The following RPRD1B variants were observed in gnomAD, a reference collection of about 807,000 sequenced individuals.
The protein encoded by RPRD1B is regulation of nuclear pre-mRNA domain-containing protein 1B.
Under a neutral mutation model 41.5 loss-of-function variants are expected in RPRD1B, and 11 were observed. That is an observed-to-expected ratio of 0.27 (90% CI 0.17 to 0.44). RPRD1B has a LOEUF of 0.44. Among genes scored for constraint, RPRD1B ranks in the 20% least tolerant of loss-of-function variants. RPRD1B has a pLI of 1.00. For synonymous variants in RPRD1B, 158 were observed against 155.6 expected (o/e 1.02, Z -0.12); for missense variants, 248 against 389.9 (o/e 0.64, Z 3.06).
At chr20:38,081,857 A>C (rs1184108287) in intron 6 of RPRD1B, among the ~76,000 whole-genome samples, 1 of 152,232 alleles carries the variant, frequency 6.6e-6, no homozygotes, top group African/African-American at 2.4e-5. Flanking sequence ...GTGATGGATC[A>C]CATTTGTTAT....
At chr20:38,079,247 C>CTT (rs768539062) in intron 6 of RPRD1B, among the ~76,000 whole-genome samples, 1 of 142,986 alleles carries the variant, frequency 7.0e-6, no homozygotes, top group Admixed American at 7.0e-5. Context: ...CTTGGATTTT[C>CTT]TTTTTTTTTT....
At chr20:38,089,259 T>TA (rs1317696357) in intron 6 of RPRD1B, among the ~76,000 whole-genome samples, 1 of 152,140 alleles carries the variant, frequency 6.6e-6, no homozygotes. Flanking sequence ...TGAGCTTCTA[T>TA]AGTGCTTGTT....
At chr20:38,080,898 G>A (rs1405259274) in intron 6 of RPRD1B, among the ~76,000 whole-genome samples, 2 of 152,124 alleles carry the variant, frequency 1.3e-5, no homozygotes, top group South Asian at 4.1e-4. Flanking sequence ...CCATTTCCAT[G>A]CTGTTTTAGT....
chr20:38,035,774 T>G (rs1197156212), intron 1 of RPRD1B, among the ~76,000 whole-genome samples: 1 of 152,006 alleles, frequency 6.6e-6, no homozygotes, highest in Non-Finnish European at 1.5e-5. Context: ...TTTTGTTTTT[T>G]TTTTTTTGAG....
chr20:38,091,879 A>G lies in RPRD1B; in HGVS notation c.*2004A>G. On this transcript the variant is annotated 3_prime_UTR_variant, in exon 7 of 7. Transcript: ENST00000373433. The stretch of plus-strand genomic sequence containing the variant: ...TGCATAATTATTACAGCAAAAGTTA[A>G]GAAATGAAACTGTAGCAATTATGTA... 4.1e-6 allele frequency: 4 copies of G among 985,824 alleles called. No individual in the cohort carries two copies. The highest frequency in any genetic ancestry group is 4.8e-6 in the Non-Finnish European group (4 of 829,854). The allele number at this position is 985,824 out of a possible 1,614,324, so 61.1% of individuals were successfully genotyped here.
rs2074140045 is a variant in RPRD1B at position 38,048,258 on chromosome 20, T to A, written c.282-90T>A. On this transcript the variant is annotated intron_variant, in intron 2 of 6. Transcript: ENST00000373433. Reference sequence around the variant, plus strand: ...TAAATGTGTAAATCATTTAGTCAGTTGTTGATTTCTTTTTTTTTTAAGTAG... The same window carrying A: ...TAAATGTGTAAATCATTTAGTCAGTAGTTGATTTCTTTTTTTTTTAAGTAG... The A allele has an allele frequency of 6.1e-6, 8 of 1,308,512 alleles. No individual in the cohort carries two copies. The South Asian group carries it at 8.7e-5, about 14-fold the overall frequency. 81.1% of individuals were successfully genotyped at this position (1,308,512 alleles called of 1,614,324 possible).
At chr20:38,067,664 G>A (rs1326750533) in intron 6 of RPRD1B, among the ~76,000 whole-genome samples, 1 of 152,180 alleles carries the variant, frequency 6.6e-6, no homozygotes, top group East Asian at 1.9e-4. Context: ...GCTTGAATGT[G>A]GAAGATGGGA....
At chr20:38,086,320 C>G (rs914194326) in intron 6 of RPRD1B, among the ~76,000 whole-genome samples, 5 of 152,192 alleles carry the variant, frequency 3.3e-5, no homozygotes, top group African/African-American at 1.2e-4. Flanking sequence ...GCCTGCTTGC[C>G]TCTCTTCAGG....
At chr20:38,061,330 G>T (rs2074295079) in intron 5 of RPRD1B, among the ~76,000 whole-genome samples, 2 of 152,188 alleles carry the variant, frequency 1.3e-5, no homozygotes, top group East Asian at 3.9e-4. Context: ...CTTAAATTTA[G>T]CTTTTTGTCT....
chr20:38,082,745 T>TA (rs1419152522), intron 6 of RPRD1B, among the ~76,000 whole-genome samples: 2 of 152,202 alleles, frequency 1.3e-5, no homozygotes, highest in Admixed American at 6.5e-5. Context: ...AAAGATATGA[T>TA]ATACTCCCAG....
rs2074608887 is a variant in RPRD1B at position 38,091,154 on chromosome 20, G to A, written c.*1279G>A. 1.0e-6 allele frequency: 1 copy of A among 985,584 alleles called. No individual in the cohort carries two copies. Among genetic ancestry groups the A allele is most frequent in the Admixed American group, 6.2e-5 (1 of 16,256 alleles). The allele number at this position is 985,584 out of a possible 1,614,324, so 61.1% of individuals were successfully genotyped here. A position where few individuals can be genotyped will look rare whatever the true frequency, so the allele number is the denominator to read the frequency against. ...CAGGCTTATTTTTGACATTGGAAAG[G>A]GCAGAAAGCGATTTGCCCCAGTAGT... On this transcript the variant is annotated 3_prime_UTR_variant, in exon 7 of 7. Coordinates refer to ENST00000373433, the MANE Select transcript of RPRD1B (RefSeq NM_021215.4).
chr20:38,052,752 GTTT>G (rs146687415), intron 3 of RPRD1B, among the ~76,000 whole-genome samples: 6,110 of 81,736 alleles, frequency 0.075, 397 homozygotes, highest in African/African-American at 0.21. Flanking sequence ...CAAACGCGGT[GTTT>G]TTTTTTTTTT....
chr20:38,050,631 AAG>A (rs1437764741), intron 3 of RPRD1B, among the ~76,000 whole-genome samples: 14 of 152,230 alleles, frequency 9.2e-5, no homozygotes, highest in African/African-American at 3.4e-4. Flanking sequence ...TGCTATAGGA[AAG>A]AGGGAGAAAA....
intron 2 of RPRD1B, among the ~76,000 whole-genome samples, chr20:38,047,077 A>G (rs1422963511): frequency 6.6e-6 from 1 of 152,016 alleles, no homozygotes; most frequent in Non-Finnish European, 1.5e-5. Context: ...ATGAGAAATA[A>G]CTCATTTCCG....
intron 1 of RPRD1B, 139 bp downstream of exon 1, chr20:38,034,237 C>A: frequency 2.0e-6 from 2 of 975,726 alleles, no homozygotes; most frequent in South Asian, 1.9e-5. Flanking sequence ...ACAAAGTTAG[C>A]CCCATTTCTC....
intron 2 of RPRD1B, 81 bp from the exon 3 acceptor site, chr20:38,048,264 TTTC>T: frequency 7.4e-7 from 1 of 1,359,490 alleles, no homozygotes; most frequent in Non-Finnish European, 9.9e-7. Context: ...CAGTTGTTGA[TTTC>T]TTTTTTTTTT....
intron 6 of RPRD1B, among the ~76,000 whole-genome samples, chr20:38,087,093 G>A (rs552921685): frequency 3.3e-5 from 5 of 151,980 alleles, no homozygotes; most frequent in African/African-American, 7.3e-5. Context: ...GAGTAGCTGC[G>A]ATTAACAGGC....
intron 2 of RPRD1B, among the ~76,000 whole-genome samples, chr20:38,044,549 A>G (rs1348785655): frequency 6.6e-6 from 1 of 151,478 alleles, no homozygotes; most frequent in Non-Finnish European, 1.5e-5. Context: ...AATTTTTTGT[A>G]TTTTTTAGTA....
At chr20:38,056,926 A>G (rs559639381) in intron 3 of RPRD1B, among the ~76,000 whole-genome samples, 148 of 152,360 alleles carry the variant, frequency 9.7e-4, no homozygotes, top group Middle Eastern at 3.4e-3. Flanking sequence ...TACGGTGCAG[A>G]TAGATCATAA....
Sources: gnomAD v4.1 joint callset for allele counts (sites outside exome capture counted in the v4.1 genomes callset) on GRCh38, gnomAD v4.1.1 for gene constraint, MANE v1.5 for transcripts, NCBI Gene and HGNC (gene_info 2026-07-23, HGNC 2026-07-21) for gene names.